MIPOL1: variants seen among roughly 807,000 people sequenced by gnomAD.
MIPOL1 encodes mirror-image polydactyly gene 1 protein.
MIPOL1 carries 57 observed loss-of-function variants against 60.9 expected under a neutral mutation model. That is an observed-to-expected ratio of 0.94 (90% CI 0.76 to 1.17). MIPOL1 has a LOEUF of 1.17. Ranked by LOEUF, MIPOL1 falls within the 50% of genes most tolerant of loss-of-function variation. The pLI, the probability that MIPOL1 is intolerant of heterozygous loss-of-function variation, is 0.00. For missense variants in MIPOL1, 551 were observed against 511.6 expected (o/e 1.08, Z -0.74); for synonymous variants, 179 against 168.8 (o/e 1.06, Z -0.47).
intron 1 of MIPOL1, among the ~76,000 whole-genome samples, chr14:37,241,260 A>G (rs1005783443): frequency 2.0e-5 from 3 of 152,108 alleles, no homozygotes; most frequent in Non-Finnish European, 2.9e-5. Flanking sequence ...TTTTTGTTCT[A>G]TTCAGGACCT....
chr14:37,462,679 T>C (rs1163834372), intron 11 of MIPOL1, among the ~76,000 whole-genome samples: 2 of 152,138 alleles, frequency 1.3e-5, no homozygotes, highest in Non-Finnish European at 2.9e-5. Context: ...CTAAATCATG[T>C]CTCTCAAGTT....
intron 12 of MIPOL1, among the ~76,000 whole-genome samples, chr14:37,541,399 C>A (rs186910941): frequency 5.1e-4 from 78 of 152,250 alleles, no homozygotes; most frequent in African/African-American, 1.8e-3. Context: ...ACCCTACTGC[C>A]CTGTAAGTCA....
chr14:37,450,308 G>A (rs2094399095), intron 11 of MIPOL1, among the ~76,000 whole-genome samples: 1 of 152,086 alleles, frequency 6.6e-6, no homozygotes, highest in African/African-American at 2.4e-5. Context: ...GCATTGGTTT[G>A]GCTGTGTCTC....
chr14:37,365,323 A>G (rs888031865), intron 9 of MIPOL1, among the ~76,000 whole-genome samples: 1 of 152,144 alleles, frequency 6.6e-6, no homozygotes, highest in Non-Finnish European at 1.5e-5. Flanking sequence ...TTCCCCATTC[A>G]GTATGATGTT....
intron 6 of MIPOL1, among the ~76,000 whole-genome samples, chr14:37,283,547 AT>A (rs2084300754): frequency 6.6e-6 from 1 of 152,174 alleles, no homozygotes; most frequent in African/African-American, 2.4e-5. Context: ...TTTGACTTAG[AT>A]TTTTAATATG....
chr14:37,357,177 C>T (rs763318157), intron 9 of MIPOL1, among the ~76,000 whole-genome samples: 43 of 152,152 alleles, frequency 2.8e-4, no homozygotes, highest in Non-Finnish European at 5.3e-4. Context: ...TTCTGAGGAA[C>T]CTCCAAAATT....
intron 10 of MIPOL1, among the ~76,000 whole-genome samples, chr14:37,409,810 C>G (rs577992202): frequency 6.6e-6 from 1 of 152,158 alleles, no homozygotes; most frequent in East Asian, 1.9e-4. Flanking sequence ...ATAATTCATA[C>G]ATTAGAAGAC....
chr14:37,210,835 AT>A (rs1231621165), intron 1 of MIPOL1, among the ~76,000 whole-genome samples: 1 of 152,218 alleles, frequency 6.6e-6, no homozygotes, highest in African/African-American at 2.4e-5. Context: ...TTGTAGCAGA[AT>A]TTAGGTCTCT....
At chr14:37,486,135 T>C (rs1188271474) in intron 11 of MIPOL1, among the ~76,000 whole-genome samples, 1 of 152,192 alleles carries the variant, frequency 6.6e-6, no homozygotes, top group South Asian at 2.1e-4. Context: ...AAAGATCAGA[T>C]GGTTGTAAAT....
chr14:37,332,299 A>C (rs994087952), intron 9 of MIPOL1, among the ~76,000 whole-genome samples: 33 of 152,074 alleles, frequency 2.2e-4, no homozygotes, highest in African/African-American at 7.7e-4. Context: ...GCTTTTTTTG[A>C]AATATATTGA....
At chr14:37,381,369 T>C (rs1474135406) in intron 10 of MIPOL1, among the ~76,000 whole-genome samples, 1 of 152,080 alleles carries the variant, frequency 6.6e-6, no homozygotes, top group Non-Finnish European at 1.5e-5. Flanking sequence ...CTATTGACTT[T>C]TCGTATTACA....
At chr14:37,391,967 C>T (rs758679510) in intron 10 of MIPOL1, among the ~76,000 whole-genome samples, 4 of 151,714 alleles carry the variant, frequency 2.6e-5, no homozygotes, top group Non-Finnish European at 5.9e-5. Flanking sequence ...CTTAAATAGT[C>T]TAAATTAAAT....
At chr14:37,377,355 C>A (rs535378405) in intron 10 of MIPOL1, among the ~76,000 whole-genome samples, 1 of 152,052 alleles carries the variant, frequency 6.6e-6, no homozygotes, top group Non-Finnish European at 1.5e-5. Flanking sequence ...AAACATCACT[C>A]CTTCCTCCCT....
intron 9 of MIPOL1, among the ~76,000 whole-genome samples, chr14:37,357,388 A>T (rs2091921170): frequency 6.7e-6 from 1 of 149,280 alleles, no homozygotes; most frequent in Admixed American, 6.7e-5. Context: ...CACCCTTTTC[A>T]CCCTTTTTCC....
At chr14:37,393,585 T>C (rs1783842126) in intron 10 of MIPOL1, among the ~76,000 whole-genome samples, 1 of 152,030 alleles carries the variant, frequency 6.6e-6, no homozygotes, top group Non-Finnish European at 1.5e-5. Context: ...GAAAAGCATA[T>C]AAATTACTTA....
At chr14:37,309,147 G>A (rs1256746005) in intron 9 of MIPOL1, among the ~76,000 whole-genome samples, 1 of 149,178 alleles carries the variant, frequency 6.7e-6, no homozygotes, top group Non-Finnish European at 1.5e-5. Flanking sequence ...TATTTAGTGT[G>A]TGTGGAGATT....
chr14:37,341,263 A>G (rs2153462464), intron 9 of MIPOL1, among the ~76,000 whole-genome samples: 1 of 152,366 alleles, frequency 6.6e-6, no homozygotes, highest in South Asian at 2.1e-4. Flanking sequence ...CGGGGTTGCC[A>G]CAAACCTTCA....
chr14:37,412,796 C>T (rs922703419), intron 10 of MIPOL1, among the ~76,000 whole-genome samples: 13 of 151,872 alleles, frequency 8.6e-5, no homozygotes, highest in African/African-American at 3.1e-4. Flanking sequence ...GTATATTATA[C>T]TTCAATGAAA....
intron 12 of MIPOL1, among the ~76,000 whole-genome samples, chr14:37,517,816 A>G (rs757080308): frequency 2.0e-4 from 30 of 152,320 alleles, no homozygotes; most frequent in Non-Finnish European, 1.2e-4. Flanking sequence ...TAAAAGGAAC[A>G]GGAAAGATCA....
Sources: gnomAD v4.1 joint callset for allele counts (sites outside exome capture counted in the v4.1 genomes callset) on GRCh38, gnomAD v4.1.1 for gene constraint, MANE v1.5 for transcripts, NCBI Gene and HGNC (gene_info 2026-07-23, HGNC 2026-07-21) for gene names.